Variants in GAS2L3 observed in about 807,000 individuals in gnomAD.
The protein encoded by GAS2L3 is growth arrest specific 2 like 3, also known as GAS2-like protein 3.
GAS2L3 carries 28 observed loss-of-function variants against 37.0 expected under a neutral mutation model. That is an observed-to-expected ratio of 0.76 (90% CI 0.56 to 1.04). The LOEUF (loss-of-function observed/expected upper bound fraction) is 1.04. Among genes scored for constraint, GAS2L3 ranks in the 50% least tolerant of loss-of-function variants. GAS2L3 has a pLI of 0.00. For synonymous variants in GAS2L3, 290 were observed against 296.6 expected, an observed-to-expected ratio of 0.98 and a Z score of 0.23; for missense variants, 793 against 817.6, an observed-to-expected ratio of 0.97 and a Z score of 0.37.
chr12:100,621,876 G>GT (rs1565813876), intron 8 of GAS2L3, among the ~76,000 whole-genome samples: 2 of 117,464 alleles, frequency 1.7e-5, no homozygotes, highest in African/African-American at 3.5e-5. Flanking sequence ...AGGGAGGGTG[G>GT]GGGGGGGAGA....
chr12:100,582,704 C>T lies in GAS2L3; in HGVS notation c.-152+8919C>T, dbSNP rs554664410. Among the ~76,000 whole-genome samples the T allele has an allele frequency of 3.6e-4, 55 of 152,266 alleles. 2 individuals carry two copies. In the South Asian group the frequency reaches 0.01, roughly 28 times the overall value. The stretch of plus-strand genomic sequence containing the variant: ...CCCAGAGTGTATTAGCTTCTAGTTA[C>T]GGCTGTAACAAATTACCACAAATTT... On this transcript the variant is annotated intron_variant, in intron 1 of 9. Coordinates refer to ENST00000547754, the MANE Select transcript of GAS2L3 (RefSeq NM_174942.3).
intron 5 of GAS2L3, among the ~76,000 whole-genome samples, chr12:100,607,801 T>C (rs1392594868): frequency 6.6e-6 from 1 of 152,132 alleles, no homozygotes; most frequent in Non-Finnish European, 1.5e-5. Context: ...TTGTTAAATT[T>C]GTCTGATAGT....
chr12:100,579,318 C>A (rs1268734789), intron 1 of GAS2L3: 3 of 655,120 alleles, frequency 4.6e-6, no homozygotes, highest in Non-Finnish European at 5.6e-6. Flanking sequence ...AAGGAAAATA[C>A]CGTACTACGA....
At chr12:100,616,505 A>G (rs1178133421) in intron 6 of GAS2L3, among the ~76,000 whole-genome samples, 1 of 151,984 alleles carries the variant, frequency 6.6e-6, no homozygotes, top group African/African-American at 2.4e-5. Flanking sequence ...GCACGATAAT[A>G]GCTCACTGTA....
intron 1 of GAS2L3, among the ~76,000 whole-genome samples, chr12:100,591,220 C>A (rs530628261): frequency 6.6e-6 from 1 of 152,040 alleles, no homozygotes; most frequent in Non-Finnish European, 1.5e-5. Flanking sequence ...TTGCCTATGG[C>A]GTCTAGTTCA....
At chr12:100,599,935 G>A (rs1190019941) in intron 3 of GAS2L3, among the ~76,000 whole-genome samples, 2 of 152,186 alleles carry the variant, frequency 1.3e-5, no homozygotes, top group Admixed American at 6.5e-5. Flanking sequence ...TATTGAAAAT[G>A]TCTTGGCTGG....
chr12:100,583,523 C>G (rs1353615617), intron 1 of GAS2L3, among the ~76,000 whole-genome samples: 3 of 152,082 alleles, frequency 2.0e-5, no homozygotes, highest in Non-Finnish European at 4.4e-5. Flanking sequence ...TCCTTCCTTT[C>G]TTTCTTTTTT....
At position 100,626,055 on chromosome 12, in the gene GAS2L3, G is replaced by A. The variant is rs1956329629; in HGVS notation, c.*1165G>A. On this transcript the variant is annotated 3_prime_UTR_variant, in exon 10 of 10. Coordinates refer to ENST00000547754, the MANE Select transcript of GAS2L3 (RefSeq NM_174942.3). The stretch of plus-strand genomic sequence containing the variant: ...ACTGCATAAACTCCATCAACCTAAG[G>A]TGATACTTGTAAATAATTTATTTTT... The A allele has an allele frequency of 6.6e-6, 1 of 152,196 alleles. No individual in the cohort carries two copies. Among genetic ancestry groups the A allele is most frequent in the Admixed American group, 6.5e-5 (1 of 15,294 alleles). 9.4% of individuals were successfully genotyped at this position (152,196 alleles called of 1,614,324 possible).
intron 1 of GAS2L3, among the ~76,000 whole-genome samples, chr12:100,575,476 A>T (rs1399789271): frequency 2.4e-3 from 217 of 88,624 alleles, no homozygotes; most frequent in Middle Eastern, 9.1e-3. Flanking sequence ...TGTTATCTCT[A>T]TTTTTTTTTT....
intron 1 of GAS2L3, among the ~76,000 whole-genome samples, chr12:100,587,162 G>A (rs1422092507): frequency 6.6e-6 from 1 of 152,114 alleles, no homozygotes; most frequent in Non-Finnish European, 1.5e-5. Context: ...AGAAGAATTG[G>A]TACCAATCCT....
At chr12:100,617,015 CT>C (rs763304362) in intron 6 of GAS2L3, among the ~76,000 whole-genome samples, 780 of 135,064 alleles carry the variant, frequency 5.8e-3, no homozygotes, top group Middle Eastern at 0.011. Flanking sequence ...TTTGTTCAGT[CT>C]TTTTTTTTTT....
rs375591737 is a variant in GAS2L3 at position 100,584,508 on chromosome 12, T to C, written c.-151-7228T>C. On this transcript the variant is annotated intron_variant, in intron 1 of 9. Coordinates refer to ENST00000547754, the MANE Select transcript of GAS2L3 (RefSeq NM_174942.3). Reference sequence around the variant, plus strand: ...CAAGTATTTGCTGACAATTTTTATCTCCTCCTGAATTTTTTTCTTAGTTCT... The same window carrying C: ...CAAGTATTTGCTGACAATTTTTATCCCCTCCTGAATTTTTTTCTTAGTTCT... Among the ~76,000 whole-genome samples, 5 of 152,214 alleles carry C rather than the reference T, an allele frequency of 3.3e-5. No individual in the cohort carries two copies. In the East Asian group the frequency reaches 9.6e-4, roughly 29 times the overall value.
chr12:100,595,070 T>A (rs1955894168), intron 3 of GAS2L3, 148 bp downstream of exon 3: 1 of 389,268 alleles, frequency 2.6e-6, no homozygotes, highest in Non-Finnish European at 4.8e-6. Flanking sequence ...ATATTTTGAC[T>A]TTCTAGTTCT....
At chr12:100,603,182 G>A (rs1023767042) in intron 5 of GAS2L3, among the ~76,000 whole-genome samples, 6 of 151,998 alleles carry the variant, frequency 3.9e-5, no homozygotes, top group East Asian at 1.9e-4. Flanking sequence ...TGGGTCATAC[G>A]GTAGCTCTAT....
intron 5 of GAS2L3, among the ~76,000 whole-genome samples, chr12:100,602,456 A>G (rs1956003066): frequency 6.6e-6 from 1 of 151,664 alleles, no homozygotes; most frequent in Non-Finnish European, 1.5e-5. Flanking sequence ...ATGTGTGTAT[A>G]TATATATAAT....
At chr12:100,615,076 T>A (rs1956169958) in intron 6 of GAS2L3, among the ~76,000 whole-genome samples, 1 of 152,216 alleles carries the variant, frequency 6.6e-6, no homozygotes. Flanking sequence ...TGTTTATCTT[T>A]TTGAGGAGCT....
chr12:100,608,276 G>T (rs1474922851), intron 5 of GAS2L3, among the ~76,000 whole-genome samples: 1 of 152,052 alleles, frequency 6.6e-6, no homozygotes, highest in Non-Finnish European at 1.5e-5. Context: ...ATCTGGGGAT[G>T]GGGGGACACA....
At chr12:100,592,271 T>G (rs1270623789) in intron 2 of GAS2L3, 2 of 152,150 alleles carry the variant, frequency 1.3e-5, no homozygotes, top group Non-Finnish European at 2.9e-5. Context: ...GAGGGCTGAA[T>G]GGATGGGTGA....
chr12:100,609,778 T>A (rs531053791), intron 5 of GAS2L3, among the ~76,000 whole-genome samples: 2 of 152,272 alleles, frequency 1.3e-5, no homozygotes, highest in Admixed American at 1.3e-4. Flanking sequence ...GCTTTCTCTA[T>A]GGGCAGACAT....
Sources: allele counts gnomAD v4.1 joint callset (sites outside exome capture counted in the v4.1 genomes callset), GRCh38; gene constraint gnomAD v4.1.1; transcripts MANE v1.5; gene names NCBI Gene and HGNC (gene_info 2026-07-23, HGNC 2026-07-21).